Variants in GRID2 observed in about 807,000 individuals in gnomAD.
GRID2 encodes glutamate receptor ionotropic, delta-2.
A neutral mutation model predicts 114.8 loss-of-function variants in GRID2; 33 were observed. That is an observed-to-expected ratio of 0.29 (90% CI 0.22 to 0.38). The LOEUF is 0.38. GRID2 is among the 10% of genes least tolerant of loss of function. The probability of loss-of-function intolerance (pLI) is 1.00; values close to 1 mark genes in which losing one functional copy is unlikely to be tolerated. For synonymous variants in GRID2, 505 were observed against 449.9 expected (o/e 1.12, Z -1.55); for missense variants, 1,184 against 1,257.7 (o/e 0.94, Z 0.89).
chr4:93,456,665 T>C (rs1219551266), intron 11 of GRID2, among the ~76,000 whole-genome samples: 1 of 152,182 alleles, frequency 6.6e-6, no homozygotes, highest in Non-Finnish European at 1.5e-5. Context: ...TCATAGAGAA[T>C]GAAATAGTAA....
intron 1 of GRID2, among the ~76,000 whole-genome samples, chr4:92,342,591 TGGAA>T (rs1202794596): frequency 6.6e-6 from 1 of 152,202 alleles, no homozygotes; most frequent in Non-Finnish European, 1.5e-5. Flanking sequence ...AAGGTGTTCT[TGGAA>T]GGAAATTCAT....
chr4:93,151,853 C>G (rs1266345232), intron 4 of GRID2, among the ~76,000 whole-genome samples: 1 of 151,824 alleles, frequency 6.6e-6, no homozygotes, highest in Non-Finnish European at 1.5e-5. Context: ...TTGTGTGTCT[C>G]GATGCACAGT....
intron 2 of GRID2, among the ~76,000 whole-genome samples, chr4:92,709,409 T>C (rs1735111634): frequency 6.6e-6 from 1 of 151,824 alleles, no homozygotes. Flanking sequence ...AAAAAGTTCT[T>C]GTCTCAAAAT....
chr4:93,627,592 T>C (rs1742840411), intron 14 of GRID2, among the ~76,000 whole-genome samples: 2 of 152,158 alleles, frequency 1.3e-5, no homozygotes, highest in Admixed American at 1.3e-4. Flanking sequence ...TGTAATTTGG[T>C]TGTGTTATGC....
At chr4:92,857,961 T>C (rs1210026267) in intron 2 of GRID2, among the ~76,000 whole-genome samples, 1 of 152,232 alleles carries the variant, frequency 6.6e-6, no homozygotes, top group East Asian at 1.9e-4. Flanking sequence ...AAATCTATTA[T>C]GCCTGTGTTC....
intron 8 of GRID2, among the ~76,000 whole-genome samples, chr4:93,322,675 G>C (rs1321936933): frequency 6.6e-6 from 1 of 152,126 alleles, no homozygotes; most frequent in Non-Finnish European, 1.5e-5. Flanking sequence ...AGTGAAAAGT[G>C]TTCCTATTTC....
chr4:93,478,275 A>C (rs1002687899), intron 11 of GRID2, among the ~76,000 whole-genome samples: 1 of 152,132 alleles, frequency 6.6e-6, no homozygotes, highest in African/African-American at 2.4e-5. Flanking sequence ...ATCAGCATGT[A>C]AGGTTTATGT....
At chr4:93,797,841 T>TG (rs1491375655) in intron 1 of GRID2, among the ~76,000 whole-genome samples, 43 of 71,948 alleles carry the variant, frequency 6.0e-4, no homozygotes, top group African/African-American at 2.0e-3. Context: ...TTCCCCAGGA[T>TG]GAAAAAAAAA....
intron 2 of GRID2, among the ~76,000 whole-genome samples, chr4:92,835,090 T>G (rs1742363307): frequency 6.6e-6 from 1 of 152,010 alleles, no homozygotes. Context: ...TCACAAAATT[T>G]TAATATGATA....
intron 2 of GRID2, among the ~76,000 whole-genome samples, chr4:92,855,658 T>A (rs1053972757): frequency 6.6e-6 from 1 of 151,940 alleles, no homozygotes; most frequent in Non-Finnish European, 1.5e-5. Context: ...AAGTGATAAG[T>A]TAATATAAAT....
At chr4:92,774,886 A>C (rs772682021) in intron 2 of GRID2, among the ~76,000 whole-genome samples, 1 of 151,952 alleles carries the variant, frequency 6.6e-6, no homozygotes, top group African/African-American at 2.4e-5. Flanking sequence ...AAATTTTTCT[A>C]AATACTTTAG....
chr4:93,407,265 G>A (rs1766549897), intron 9 of GRID2, among the ~76,000 whole-genome samples: 1 of 152,038 alleles, frequency 6.6e-6, no homozygotes, highest in African/African-American at 2.4e-5. Flanking sequence ...CAAATCTGGG[G>A]CTGGTTTACT....
intron 4 of GRID2, among the ~76,000 whole-genome samples, chr4:93,182,261 A>G (rs528467179): frequency 1.3e-5 from 2 of 152,182 alleles, no homozygotes; most frequent in South Asian, 2.1e-4. Flanking sequence ...AGTTGAACTC[A>G]TTGTGTAGAT....
chr4:93,735,069 C>T (rs1730806462), intron 14 of GRID2, among the ~76,000 whole-genome samples: 2 of 151,882 alleles, frequency 1.3e-5, no homozygotes, highest in African/African-American at 2.4e-5. Flanking sequence ...ATCTTGAGAC[C>T]AAGATGCATC....
intron 9 of GRID2, among the ~76,000 whole-genome samples, chr4:93,403,032 C>T (rs1404419219): frequency 1.3e-5 from 2 of 152,120 alleles, no homozygotes; most frequent in Non-Finnish European, 2.9e-5. Context: ...GGAAAGTAAA[C>T]TTGTCAAGAG....
chr4:92,656,835 A>C (rs1732263478), intron 2 of GRID2, among the ~76,000 whole-genome samples: 1 of 151,812 alleles, frequency 6.6e-6, no homozygotes, highest in Non-Finnish European at 1.5e-5. Flanking sequence ...ATTTTATAAG[A>C]TGTGACGTAA....
At chr4:92,827,233 C>CA (rs1203721203) in intron 2 of GRID2, among the ~76,000 whole-genome samples, 1 of 151,412 alleles carries the variant, frequency 6.6e-6, no homozygotes, top group East Asian at 1.9e-4. Context: ...TATATTTATC[C>CA]AAAAAATATT....
intron 8 of GRID2, among the ~76,000 whole-genome samples, chr4:93,252,605 A>G (rs562287269): frequency 6.6e-6 from 1 of 152,262 alleles, no homozygotes; most frequent in South Asian, 2.1e-4. Context: ...TCTCTGAAGA[A>G]TGTCAATGGT....
intron 1 of GRID2, among the ~76,000 whole-genome samples, chr4:93,791,297 G>A (rs1392429251): frequency 1.3e-5 from 2 of 152,052 alleles, no homozygotes; most frequent in Admixed American, 6.5e-5. Flanking sequence ...GCACCACCTC[G>A]TGTCAGGGCC....
Sources: allele counts gnomAD v4.1 joint callset (sites outside exome capture counted in the v4.1 genomes callset), GRCh38; gene constraint gnomAD v4.1.1; transcripts MANE v1.5; gene names NCBI Gene and HGNC (gene_info 2026-07-23, HGNC 2026-07-21).